IARS2: variants seen among roughly 807,000 people sequenced by gnomAD.
IARS2 encodes the protein isoleucine--tRNA ligase, mitochondrial.
IARS2 carries 56 observed loss-of-function variants against 126.3 expected under a neutral mutation model. The ratio of observed to expected loss-of-function variants is 0.44; its 90% CI spans 0.36 to 0.55. The LOEUF (loss-of-function observed/expected upper bound fraction) is 0.55. Among genes scored for constraint, IARS2 ranks in the 20% least tolerant of loss-of-function variants. The pLI, the probability that IARS2 is intolerant of heterozygous loss-of-function variation, is 0.00. For missense variants in IARS2, 1,127 were observed against 1,245.9 expected (o/e 0.90, Z 1.44); for synonymous variants, 407 against 441.1 (o/e 0.92, Z 0.97).
At chr1:220,129,273 A>G (rs935977081) in intron 14 of IARS2, among the ~76,000 whole-genome samples, 6 of 152,240 alleles carry the variant, frequency 3.9e-5, no homozygotes, top group Non-Finnish European at 7.3e-5. Flanking sequence ...GAGTACGTGT[A>G]GTGTTTTGAT....
chr1:220,147,794 T>A lies in IARS2; in HGVS notation c.*159T>A. The stretch of plus-strand genomic sequence containing the variant: ...AAAATCAGAATTATAGAAGAAGTAT[T>A]TCCTGTAACTATAGAAAGAATTATG... On this transcript the variant is annotated 3_prime_UTR_variant, in exon 23 of 23. Transcript: ENST00000366922. 3.1e-6 allele frequency: 2 copies of A among 645,096 alleles called. No homozygotes were observed. Among genetic ancestry groups the A allele is most frequent in the East Asian group, 5.4e-5 (2 of 36,704 alleles). The allele number at this position is 645,096 out of a possible 1,614,324, so 40.0% of individuals were successfully genotyped here. A position where few individuals can be genotyped will look rare whatever the true frequency, so the allele number is the denominator to read the frequency against.
chr1:220,123,728 CAGCCTCCCAA>C (rs1370546830), intron 12 of IARS2, among the ~76,000 whole-genome samples: 3 of 152,208 alleles, frequency 2.0e-5, no homozygotes, highest in Non-Finnish European at 2.9e-5. Flanking sequence ...CCGCCCGCCT[CAGCCTCCCAA>C]AGTGCTGGGA....
rs1350282208 is a variant in IARS2 at position 220,145,590 on chromosome 1, G to C, written c.2833G>C (p.Glu945Gln). ...TTCTGAGTCAACTTTACTGGCTCAG[G>C]AACCACGAGAGATGACTGCAGATGT... is the stretch of plus-strand genomic sequence containing the variant. ...MASESTLLAQ[E>Q]PREMTADVIE... Residue 945 changes from glutamate to glutamine, a missense_variant, in exon 22 of 23, where the codon GAA becomes CAA. Glu to Gln is a conservative substitution (Grantham distance 29). Coordinates refer to ENST00000366922, the MANE Select transcript of IARS2 (RefSeq NM_018060.4). 6.2e-7 allele frequency: 1 copy of C among 1,613,738 alleles called. No individual in the cohort carries two copies. The highest frequency in any genetic ancestry group is 8.5e-7 in the Non-Finnish European group (1 of 1,179,800).
chr1:220,124,029 G>A (rs1558126765), intron 12 of IARS2, among the ~76,000 whole-genome samples: 1 of 152,154 alleles, frequency 6.6e-6, no homozygotes, highest in Admixed American at 6.5e-5. Context: ...GAGGAAACAG[G>A]CACAGAAATG....
chr1:220,105,841 T>C (rs1441136884), intron 8 of IARS2, 50 bp from the exon 9 acceptor site: 2 of 1,487,254 alleles, frequency 1.3e-6, no homozygotes, highest in Non-Finnish European at 1.9e-6. Context: ...CTTAAGGAGA[T>C]AGATTTGCCA....
chr1:220,146,967 C>T (rs2808024), intron 22 of IARS2, among the ~76,000 whole-genome samples: 6,377 of 152,154 alleles, frequency 0.042, 442 homozygotes, highest in African/African-American at 0.14. Flanking sequence ...CCACCATGCC[C>T]GGCCATGTAA....
intron 12 of IARS2, among the ~76,000 whole-genome samples, chr1:220,119,301 G>A (rs1036369001): frequency 1.3e-4 from 20 of 151,976 alleles, no homozygotes; most frequent in African/African-American, 4.3e-4. Flanking sequence ...GTTTTATGAT[G>A]GATTTATTGC....
intron 18 of IARS2, 46 bp from the exon 19 acceptor site, chr1:220,140,137 A>G: frequency 9.1e-7 from 1 of 1,099,418 alleles, no homozygotes; most frequent in Non-Finnish European, 1.4e-6. Flanking sequence ...TTACATTTTC[A>G]TTTGCCTGTC....
chr1:220,094,629 C>T (rs1656398463), intron 1 of IARS2, 146 bp downstream of exon 1: 9 of 669,388 alleles, frequency 1.3e-5, no homozygotes, highest in Non-Finnish European at 2.2e-5. Flanking sequence ...GTCTGCTTCG[C>T]ACAGATTTTG....
chr1:220,126,633 TC>T (rs1369425305), intron 13 of IARS2, 116 bp from the exon 14 acceptor site: 12 of 740,114 alleles, frequency 1.6e-5, no homozygotes, highest in Non-Finnish European at 2.8e-5. Context: ...GTAAATTTCA[TC>T]TAAAAATGTG....
At chr1:220,097,055 A>AG (rs1656460312) in intron 2 of IARS2, among the ~76,000 whole-genome samples, 1 of 152,140 alleles carries the variant, frequency 6.6e-6, no homozygotes, top group Non-Finnish European at 1.5e-5. Context: ...CAAAAAAAAA[A>AG]AAAAATCATG....
In IARS2 at chr1:220,102,192, T is replaced by C; in HGVS notation, c.614T>C (p.Met205Thr). 1 of 1,612,064 alleles carries C rather than the reference T, an allele frequency of 6.2e-7. No homozygotes were observed. Among genetic ancestry groups the C allele is most frequent in the Non-Finnish European group, 8.5e-7 (1 of 1,179,078 alleles). ...TCAGCATTTATTCGTTGGGGAATAATGGCAGATTGGAATAATTGCTACTAT... is the reference window on the plus strand; with the variant it reads ...TCAGCATTTATTCGTTGGGGAATAACGGCAGATTGGAATAATTGCTACTAT... ...QKSAFIRWGI[M>T]ADWNNCYYTF... Residue 205 changes from methionine (M) to threonine (T), a missense_variant, in exon 4 of 23, where the codon ATG becomes ACG. Met to Thr is a moderately conservative substitution (Grantham distance 81, BLOSUM62 -1). Coordinates refer to ENST00000366922, the MANE Select transcript of IARS2 (RefSeq NM_018060.4).
At chr1:220,114,072 A>G (rs1033325778) in intron 11 of IARS2, among the ~76,000 whole-genome samples, 1 of 152,140 alleles carries the variant, frequency 6.6e-6, no homozygotes, top group East Asian at 1.9e-4. Context: ...AAATGCAACA[A>G]TGCTCCTGAT....
At chr1:220,111,042 G>C (rs1284508717) in intron 11 of IARS2, 105 bp downstream of exon 11, 5 of 1,018,258 alleles carry the variant, frequency 4.9e-6, no homozygotes, top group Non-Finnish European at 7.1e-6. Flanking sequence ...AGGGATTGCT[G>C]CTATTATGAT....
chr1:220,117,272 A>G (rs898895036), intron 12 of IARS2, among the ~76,000 whole-genome samples: 1 of 145,060 alleles, frequency 6.9e-6, no homozygotes, highest in South Asian at 2.2e-4. Flanking sequence ...GCTCACTGCA[A>G]TCTCCGCCTC....
intron 12 of IARS2, among the ~76,000 whole-genome samples, chr1:220,124,093 C>G (rs1472713005): frequency 6.6e-6 from 1 of 152,180 alleles, no homozygotes; most frequent in Non-Finnish European, 1.5e-5. Context: ...GCTAAAGCCC[C>G]CTGCTGGCAG....
At chr1:220,143,670 A>G (rs1177240787) in intron 21 of IARS2, among the ~76,000 whole-genome samples, 1 of 152,204 alleles carries the variant, frequency 6.6e-6, no homozygotes, top group Non-Finnish European at 1.5e-5. Context: ...ACCAGATTCA[A>G]AACAAACCCA....
chr1:220,101,334 A>T (rs1008303418), intron 3 of IARS2, among the ~76,000 whole-genome samples: 1 of 152,226 alleles, frequency 6.6e-6, no homozygotes, highest in African/African-American at 2.4e-5. Flanking sequence ...TTGCAATTCC[A>T]GTTAATTTTA....
Position 220,147,749 on chromosome 1 carries a change from A to G in IARS2, c.*114A>G. On this transcript the variant is annotated 3_prime_UTR_variant, in exon 23 of 23. Coordinates refer to ENST00000366922, the MANE Select transcript of IARS2 (RefSeq NM_018060.4). The stretch of plus-strand genomic sequence containing the variant: ...GATTTAGGTAATGAGTGGATGAGTA[A>G]ATGGTGGAGGATGGGAGTCAAAATC... 9.8e-7 allele frequency: 1 copy of G among 1,022,300 alleles called. No homozygotes were observed. Among genetic ancestry groups the G allele is most frequent in the Non-Finnish European group, 1.4e-6 (1 of 692,956 alleles). 63.3% of individuals were successfully genotyped at this position (1,022,300 alleles called of 1,614,324 possible).
Sources: gnomAD v4.1 joint callset for allele counts (sites outside exome capture counted in the v4.1 genomes callset) on GRCh38, gnomAD v4.1.1 for gene constraint, MANE v1.5 for transcripts, NCBI Gene and HGNC (gene_info 2026-07-23, HGNC 2026-07-21) for gene names.